The following WDFY3 variants were observed in gnomAD, a reference collection of about 807,000 sequenced individuals.
WDFY3 encodes the protein WD repeat and FYVE domain-containing protein 3.
In WDFY3, 66 loss-of-function variants were observed where a neutral mutation model predicts 409.6. The observed-to-expected ratio is 0.16, with a 90% confidence interval of 0.13 to 0.20. The LOEUF (loss-of-function observed/expected upper bound fraction) is 0.20, where lower values mean the gene tolerates loss of function less well. Ranked by LOEUF, WDFY3 falls within the 10% of genes least tolerant of loss-of-function variation. The probability of loss-of-function intolerance (pLI) is 1.00; values close to 1 mark genes in which losing one functional copy is unlikely to be tolerated. For synonymous variants in WDFY3, 1,521 were observed against 1,537.1 expected (o/e 0.99, Z 0.25); for missense variants, 3,031 against 4,298.1 (o/e 0.71, Z 8.24).
At chr4:84,700,982 C>T (rs1004785457) in intron 56 of WDFY3, among the ~76,000 whole-genome samples, 1 of 152,092 alleles carries the variant, frequency 6.6e-6, no homozygotes, top group Non-Finnish European at 1.5e-5. Context: ...GGTGTGGTGG[C>T]GCATGTAATC....
Position 84,678,991 on chromosome 4 carries a change from G to A in WDFY3, c.10075C>T (p.His3359Tyr), listed in dbSNP as rs1189479876. ...GGGTGGCTAAGGGGGCCCTGCAGATGGGCTCTGGTCTGGCCCTCTGAATAG... is the reference window on the plus strand; with the variant it reads ...GGGTGGCTAAGGGGGCCCTGCAGATAGGCTCTGGTCTGGCCCTCTGAATAG... ...VNYSEGQTRA[H>Y]LQGPLSHPHP... is the part of the protein sequence containing the mutation. The change falls in exon 65 of 68, where the codon CAT becomes TAT. Residue 3359 changes from histidine (H) to tyrosine (Y), a missense_variant. Physicochemically the swap from His to Tyr is moderately conservative, Grantham distance 83. Coordinates refer to ENST00000295888, the MANE Select transcript of WDFY3 (RefSeq NM_014991.6). The A allele has an allele frequency of 1.2e-6, 2 of 1,614,228 alleles. No homozygotes were observed. The highest frequency in any genetic ancestry group is 3.3e-5 in the Admixed American group (2 of 60,030).
intron 5 of WDFY3, among the ~76,000 whole-genome samples, chr4:84,842,418 T>C (rs1455225797): frequency 6.6e-6 from 1 of 150,450 alleles, no homozygotes; most frequent in Non-Finnish European, 1.5e-5. Context: ...TGGAGGTTGC[T>C]GTGAGCCAAG....
At chr4:84,900,183 A>G (rs1038826806) in intron 2 of WDFY3, among the ~76,000 whole-genome samples, 18 of 152,196 alleles carry the variant, frequency 1.2e-4, no homozygotes, top group Non-Finnish European at 5.9e-5. Context: ...CAGCAAGTGA[A>G]TAGACACACA....
intron 33 of WDFY3, among the ~76,000 whole-genome samples, 183 bp downstream of exon 33, chr4:84,756,743 T>C (rs188225263): frequency 2.8e-4 from 42 of 152,076 alleles, no homozygotes; most frequent in African/African-American, 9.6e-4. Context: ...AAATTGTAAA[T>C]AGGGACAAAG....
chr4:84,841,027 G>C, intron 6 of WDFY3, 127 bp downstream of exon 6: 1 of 796,538 alleles, frequency 1.3e-6, no homozygotes, highest in Non-Finnish European at 1.9e-6. Context: ...TTTTAAAAAA[G>C]TTAGAAGAAT....
intron 63 of WDFY3, 87 bp from the exon 64 acceptor site, chr4:84,682,557 G>A: frequency 9.7e-7 from 1 of 1,032,650 alleles, no homozygotes; most frequent in Non-Finnish European, 1.5e-6. Context: ...AGACTGTCAG[G>A]GTTAACAGAT....
At chr4:84,835,458 A>C (rs928580275) in intron 7 of WDFY3, among the ~76,000 whole-genome samples, 4 of 152,206 alleles carry the variant, frequency 2.6e-5, no homozygotes, top group African/African-American at 9.7e-5. Context: ...ATTTGCTTAC[A>C]TAATCATTTT....
chr4:84,784,681 T>C (rs1369450635), intron 24 of WDFY3, among the ~76,000 whole-genome samples: 2 of 150,872 alleles, frequency 1.3e-5, no homozygotes, highest in Non-Finnish European at 2.9e-5. Context: ...CTAATAAAAA[T>C]ACAAAAATCA....
At chr4:84,850,158 T>C in intron 4 of WDFY3, 133 bp from the exon 5 acceptor site, 1 of 907,360 alleles carries the variant, frequency 1.1e-6, no homozygotes, top group Non-Finnish European at 1.6e-6. Context: ...TGAATCTTAA[T>C]ATGTTGAAAA....
At chr4:84,839,729 G>A (rs902638665) in intron 6 of WDFY3, among the ~76,000 whole-genome samples, 18 of 151,826 alleles carry the variant, frequency 1.2e-4, no homozygotes, top group African/African-American at 3.6e-4. Flanking sequence ...GTGGTGGCGC[G>A]CGCCTGTAAT....
At chr4:84,943,753 T>G (rs1772447317) in intron 1 of WDFY3, among the ~76,000 whole-genome samples, 2 of 152,120 alleles carry the variant, frequency 1.3e-5, no homozygotes, top group African/African-American at 4.8e-5. Flanking sequence ...GACAAAATCA[T>G]CATCAACTAG....
chr4:84,899,912 G>A (rs1308812180), intron 2 of WDFY3, among the ~76,000 whole-genome samples: 2 of 152,112 alleles, frequency 1.3e-5, no homozygotes, highest in African/African-American at 4.8e-5. Context: ...TTAGCCAGAT[G>A]TGGTGGCGTG....
In WDFY3 at chr4:84,751,707, G is replaced by A. The variant is rs776106060; in HGVS notation, c.5749C>T (p.Leu1917Phe). The change falls in exon 36 of 68, where the codon CTT becomes TTT. Residue 1917 changes from leucine (L) to phenylalanine (F), a missense_variant. Transcript: ENST00000295888. Reference sequence around the variant, plus strand: ...GCTGGAGATCCAACTTCATCATCAAGGTCAGTCACCTAGTAAAATCAAGTG... The same window carrying A: ...GCTGGAGATCCAACTTCATCATCAAAGTCAGTCACCTAGTAAAATCAAGTG... ...IRPYSEMVTD[L>F]DDEVGSPAEE... 15 of 1,614,040 alleles carry A rather than the reference G, an allele frequency of 9.3e-6. No individual in the cohort carries two copies. The highest frequency in any genetic ancestry group is 1.2e-5 in the Non-Finnish European group (14 of 1,180,000).
chr4:84,682,539 A>C, intron 63 of WDFY3, 69 bp from the exon 64 acceptor site: 1 of 1,179,434 alleles, frequency 8.5e-7, no homozygotes, highest in Non-Finnish European at 1.2e-6. Context: ...ACATTACTCA[A>C]TGAAGAGAGA....
At chr4:84,725,747 G>A (rs998646145) in intron 45 of WDFY3, among the ~76,000 whole-genome samples, 9 of 152,018 alleles carry the variant, frequency 5.9e-5, no homozygotes, top group Non-Finnish European at 1.2e-4. Flanking sequence ...TTACAACAAT[G>A]CCCTTTTCAA....
chr4:84,962,892 T>C (rs1021793583), intron 1 of WDFY3, among the ~76,000 whole-genome samples: 4 of 151,914 alleles, frequency 2.6e-5, no homozygotes, highest in African/African-American at 9.7e-5. Flanking sequence ...CAGGCTGGTC[T>C]TGAACTCCTG....
At chr4:84,854,569 T>C (rs1759484634) in intron 4 of WDFY3, among the ~76,000 whole-genome samples, 1 of 152,202 alleles carries the variant, frequency 6.6e-6, no homozygotes. Context: ...TCAGAAGGTG[T>C]AGATTCTACT....
intron 5 of WDFY3, among the ~76,000 whole-genome samples, chr4:84,848,797 A>G (rs1249914306): frequency 6.6e-6 from 1 of 152,122 alleles, no homozygotes; most frequent in African/African-American, 2.4e-5. Context: ...TCCCCAGCAC[A>G]TGTATCTGTG....
intron 30 of WDFY3, 114 bp from the exon 31 acceptor site, chr4:84,766,486 C>G: frequency 9.4e-7 from 1 of 1,061,962 alleles, no homozygotes. Context: ...ACATTTTCTC[C>G]AGGACTGCTT....
Sources: gnomAD v4.1 joint callset for allele counts (sites outside exome capture counted in the v4.1 genomes callset) on GRCh38, gnomAD v4.1.1 for gene constraint, MANE v1.5 for transcripts, NCBI Gene and HGNC (gene_info 2026-07-23, HGNC 2026-07-21) for gene names.